Variants in TUT4 observed in about 807,000 individuals in gnomAD.
The protein encoded by TUT4 is terminal uridylyl transferase 4.
TUT4 carries 36 observed loss-of-function variants against 192.2 expected under a neutral mutation model. The observed-to-expected ratio is 0.19, with a 90% CI of 0.14 to 0.25. The LOEUF (loss-of-function observed/expected upper bound fraction) is 0.25, where lower values mean the gene tolerates loss of function less well. TUT4 is among the 10% of genes least tolerant of loss of function. TUT4 has a pLI of 1.00. For synonymous variants in TUT4, 618 were observed against 666.0 expected (o/e 0.93, Z 1.11); for missense variants, 1,493 against 1,957.2 (o/e 0.76, Z 4.47).
rs374165874 is a variant in TUT4 at position 52,475,696 on chromosome 1, A to C, written c.2024-161T>G. Among the ~76,000 whole-genome samples, 23 of 152,318 alleles carry C rather than the reference A, an allele frequency of 1.5e-4. 1 individual carries two copies. The South Asian group carries it at 4.1e-3, about 27-fold the overall frequency. ...AGTGAAAGTTCCTGAAAATGGGAGG[A>C]AATACAATTGCAACATTTTTTTCTT... On this transcript the variant is annotated intron_variant, in intron 12 of 29. Transcript: ENST00000257177.
At chr1:52,466,851 A>G (rs1420828451) in intron 15 of TUT4, among the ~76,000 whole-genome samples, 1 of 151,796 alleles carries the variant, frequency 6.6e-6, no homozygotes, top group Middle Eastern at 3.2e-3. Context: ...TACTTTTAGT[A>G]GAGACGGGTT....
intron 4 of TUT4, among the ~76,000 whole-genome samples, chr1:52,498,333 C>G (rs1004589865): frequency 3.3e-5 from 5 of 151,482 alleles, no homozygotes; most frequent in African/African-American, 4.9e-5. Context: ...GCTCCGCCCC[C>G]CCGGGGTTCA....
At chr1:52,469,941 G>A (rs190261130) in intron 14 of TUT4, among the ~76,000 whole-genome samples, 143 of 149,128 alleles carry the variant, frequency 9.6e-4, no homozygotes, top group African/African-American at 3.4e-3. Context: ...TTTATAGTAA[G>A]TTTATATACA....
Position 52,436,993 on chromosome 1 carries a change from G to A in TUT4, c.3939-15C>T, listed in dbSNP as rs751221593. On this transcript the variant is annotated splice_polypyrimidine_tract_variant and intron_variant, in intron 25 of 29. Transcript: ENST00000257177. ...ACAGTAAACTGCTGATACCAATAATGTGGGGCTAGGGACTTGTAAATTAAG... is the reference window on the plus strand; with the variant it reads ...ACAGTAAACTGCTGATACCAATAATATGGGGCTAGGGACTTGTAAATTAAG... 10 of 1,611,404 alleles carry A rather than the reference G, an allele frequency of 6.2e-6. No homozygotes were observed. Among genetic ancestry groups the A allele is most frequent in the Non-Finnish European group, 8.5e-6 (10 of 1,179,118 alleles).
intron 10 of TUT4, 27 bp downstream of exon 10, chr1:52,481,777 A>C (rs781009693): frequency 6.4e-7 from 1 of 1,565,688 alleles, no homozygotes; most frequent in Non-Finnish European, 8.6e-7. Context: ...ATATATATGC[A>C]TATATATGTC....
intron 1 of TUT4, among the ~76,000 whole-genome samples, chr1:52,543,284 T>C (rs1687204534): frequency 6.6e-6 from 1 of 152,158 alleles, no homozygotes; most frequent in Non-Finnish European, 1.5e-5. Context: ...ACCAGCTGCA[T>C]TTCTAAACAC....
At chr1:52,447,092 T>C (rs1657735218) in intron 20 of TUT4, among the ~76,000 whole-genome samples, 1 of 152,214 alleles carries the variant, frequency 6.6e-6, no homozygotes, top group South Asian at 2.1e-4. Flanking sequence ...TGGGACCTAG[T>C]ACCTTTAATC....
intron 20 of TUT4, among the ~76,000 whole-genome samples, chr1:52,456,447 A>G (rs1432621868): frequency 6.9e-6 from 1 of 144,402 alleles, no homozygotes; most frequent in East Asian, 2.0e-4. Flanking sequence ...AAGATAAAAT[A>G]GATTTAGAGG....
At position 52,465,293 on chromosome 1, in the gene TUT4, C is replaced by T. The variant is rs59785600; in HGVS notation, c.2966-120G>A. On this transcript the variant is annotated intron_variant, in intron 15 of 29. Transcript: ENST00000257177. ...CCATTTCTATGATTTAAATTACCTA[C>T]CACTGGAAGAAATACTGAGAAATTC... 1,041 of 646,116 alleles carry T rather than the reference C, an allele frequency of 1.6e-3. 9 individuals are homozygous for T. In the African/African-American group the frequency reaches 0.019, roughly 12 times the overall value. The allele number at this position is 646,116 out of a possible 1,614,324, so 40.0% of individuals were successfully genotyped here. A position where few individuals can be genotyped will look rare whatever the true frequency, so the allele number is the denominator to read the frequency against.
At chr1:52,507,068 C>T (rs552597285) in intron 4 of TUT4, among the ~76,000 whole-genome samples, 62 of 152,340 alleles carry the variant, frequency 4.1e-4, no homozygotes, top group Non-Finnish European at 8.2e-4. Flanking sequence ...TACCCAGTGT[C>T]CCATGAAGCA....
chr1:52,506,321 A>G (rs567734014), intron 4 of TUT4, among the ~76,000 whole-genome samples: 8 of 152,342 alleles, frequency 5.3e-5, no homozygotes, highest in African/African-American at 1.9e-4. Flanking sequence ...CAAGTTAAGA[A>G]TAAAGTTTTC....
At chr1:52,455,665 G>T (rs573687863) in intron 20 of TUT4, among the ~76,000 whole-genome samples, 2 of 145,890 alleles carry the variant, frequency 1.4e-5, no homozygotes, top group African/African-American at 5.0e-5. Context: ...GGGCAGGGGA[G>T]GGGGGGAGAG....
At chr1:52,518,297 C>T (rs571427993) in intron 2 of TUT4, among the ~76,000 whole-genome samples, 79 of 152,290 alleles carry the variant, frequency 5.2e-4, no homozygotes, top group African/African-American at 1.7e-3. Context: ...ATACTACAGA[C>T]TGGGTGGCTT....
At chr1:52,472,241 A>T (rs1557760082) in intron 13 of TUT4, 139 bp from the exon 14 acceptor site, 1 of 870,296 alleles carries the variant, frequency 1.1e-6, no homozygotes, top group Non-Finnish European at 1.7e-6. Context: ...AAAAAAAAAC[A>T]TGTTGTTAAA....
At chr1:52,508,439 C>A (rs896433480) in intron 4 of TUT4, among the ~76,000 whole-genome samples, 1 of 152,082 alleles carries the variant, frequency 6.6e-6, no homozygotes, top group South Asian at 2.1e-4. Flanking sequence ...CTAAACTACT[C>A]CCTTGTCCCT....
At chr1:52,457,106 C>T (rs76495029) in intron 20 of TUT4, among the ~76,000 whole-genome samples, 3,155 of 152,216 alleles carry the variant, frequency 0.021, 104 homozygotes, top group African/African-American at 0.069. Context: ...GAAAGGATTC[C>T]CATCCATTGT....
Position 52,423,680 on chromosome 1 carries a change from A to T in TUT4, c.*255T>A, listed in dbSNP as rs1279978540. 20 of 698,286 alleles carry T rather than the reference A, an allele frequency of 2.9e-5. No homozygotes were observed. Among genetic ancestry groups the T allele is most frequent in the Non-Finnish European group, 4.4e-5 (20 of 457,964 alleles). 43.3% of individuals were successfully genotyped at this position (698,286 alleles called of 1,614,324 possible). ...AAAATAGATGAAATTTGTATCACTC[A>T]ATTTGGTGATACTAGTAAAAACTAT... On this transcript the variant is annotated 3_prime_UTR_variant, in exon 30 of 30. Transcript: ENST00000257177.
chr1:52,522,324 T>C (rs922032636), intron 2 of TUT4, among the ~76,000 whole-genome samples: 9 of 152,200 alleles, frequency 5.9e-5, no homozygotes, highest in African/African-American at 2.2e-4. Flanking sequence ...TCATTCTCCA[T>C]GTTAACAAGT....
At chr1:52,509,403 G>A (rs1321516613) in intron 4 of TUT4, among the ~76,000 whole-genome samples, 193 bp downstream of exon 4, 2 of 152,282 alleles carry the variant, frequency 1.3e-5, no homozygotes, top group South Asian at 2.1e-4. Flanking sequence ...TAAAGGATGA[G>A]CAAACCGGTC....
Sources: allele counts gnomAD v4.1 joint callset (sites outside exome capture counted in the v4.1 genomes callset), GRCh38; gene constraint gnomAD v4.1.1; transcripts MANE v1.5; gene names NCBI Gene and HGNC (gene_info 2026-07-23, HGNC 2026-07-21).